The following CEACAM1 variants were observed in gnomAD, a reference collection of about 807,000 sequenced individuals.
CEACAM1 encodes the protein cell adhesion molecule CEACAM1.
Under a neutral mutation model 49.1 loss-of-function variants are expected in CEACAM1, and 31 were observed. The ratio of observed to expected loss-of-function variants is 0.63; its 90% confidence interval spans 0.47 to 0.85. The LOEUF is 0.85. Among genes scored for constraint, CEACAM1 ranks in the 40% least tolerant of loss-of-function variants. The pLI, the probability that CEACAM1 is intolerant of heterozygous loss-of-function variation, is 0.00. For missense variants in CEACAM1, 570 were observed against 645.3 expected (o/e 0.88, Z 1.26); for synonymous variants, 244 against 247.8 (o/e 0.98, Z 0.14).
intron 5 of CEACAM1, among the ~76,000 whole-genome samples, chr19:42,512,876 CAGACT>C (rs940839832): frequency 6.6e-6 from 1 of 152,064 alleles, no homozygotes; most frequent in African/African-American, 2.4e-5. Flanking sequence ...CCATATTGGT[CAGACT>C]GGTCTTGAAC....
chr19:42,521,290 G>A lies in CEACAM1; in HGVS notation c.935C>T (p.Thr312Ile), dbSNP rs2041740245. The A allele has an allele frequency of 6.2e-7, 1 of 1,614,240 alleles. No homozygotes were observed. The highest frequency in any genetic ancestry group is 8.5e-7 in the Non-Finnish European group (1 of 1,180,034). Residue 312 changes from threonine (T) to isoleucine (I), a missense_variant, in exon 4 of 9, where the codon ACA (threonine) becomes ATA (isoleucine). Coordinates refer to ENST00000161559, the MANE Select transcript of CEACAM1 (RefSeq NM_001712.5). ...NNSVTGCNRTTVKTIIVTELS... is the reference protein window; with the variant it reads ...NNSVTGCNRTIVKTIIVTELS... Reference sequence around the variant, plus strand: ...ACCAGTGACTATGATCGTCTTGACTGTGGTCCTGTTGCAGCCAGTGACTGA... The same window carrying A: ...ACCAGTGACTATGATCGTCTTGACTATGGTCCTGTTGCAGCCAGTGACTGA...
intron 4 of CEACAM1, among the ~76,000 whole-genome samples, chr19:42,519,800 A>G (rs2041698617): frequency 6.6e-6 from 1 of 151,858 alleles, no homozygotes; most frequent in Admixed American, 6.6e-5. Flanking sequence ...TGATCTCCTG[A>G]CCTCATGATC....
chr19:42,508,642 T>C lies in CEACAM1; in HGVS notation c.*467A>G, dbSNP rs964810563. On this transcript the variant is annotated 3_prime_UTR_variant, in exon 9 of 9. Coordinates refer to ENST00000161559, the MANE Select transcript of CEACAM1 (RefSeq NM_001712.5). Reference sequence around the variant, plus strand: ...GAGTTCACACAAGGCTTTGGAGAAATAGGAGAAGGCATTACTGCCTTTACT... The same window carrying C: ...GAGTTCACACAAGGCTTTGGAGAAACAGGAGAAGGCATTACTGCCTTTACT... The C allele has an allele frequency of 6.2e-6, 1 of 160,334 alleles. No homozygotes were observed. The highest frequency in any genetic ancestry group is 2.4e-5 in the African/African-American group (1 of 41,504). 9.9% of individuals were successfully genotyped at this position (160,334 alleles called of 1,614,324 possible). A position where few individuals can be genotyped will look rare whatever the true frequency, so the allele number is the denominator to read the frequency against.
chr19:42,511,071 A>G (rs2041444968), intron 7 of CEACAM1, 151 bp from the exon 8 acceptor site: 2 of 700,550 alleles, frequency 2.9e-6, no homozygotes, highest in African/African-American at 1.8e-5. Context: ...CAGACCCAGC[A>G]TGTTAGTACC....
At position 42,522,105 on chromosome 19, in the gene CEACAM1, T is replaced by G; in HGVS notation, c.522A>C (p.Thr174=). Residue 174 remains threonine (T), a synonymous_variant, in exon 3 of 9, where the codon ACA becomes ACC. Coordinates refer to ENST00000161559, the MANE Select transcript of CEACAM1 (RefSeq NM_001712.5). ...GATTGTTTATCCACCACAGGTAGGT[T>G]GTGTCCTGAGTCTCAGGTTCACAGG... ...AFTCEPETQD[T]TYLWWINNQS... 6.2e-7 allele frequency: 1 copy of G among 1,614,222 alleles called. No homozygotes were observed. Among genetic ancestry groups the G allele is most frequent in the Non-Finnish European group, 8.5e-7 (1 of 1,180,040 alleles).
Position 42,507,643 on chromosome 19 carries a change from A to G in CEACAM1, c.*1466T>C, listed in dbSNP as rs1445575348. 1 of 152,222 alleles carries G rather than the reference A, an allele frequency of 6.6e-6. No individual in the cohort carries two copies. The highest frequency in any genetic ancestry group is 1.5e-5 in the Non-Finnish European group (1 of 68,034). 9.4% of individuals were successfully genotyped at this position (152,222 alleles called of 1,614,324 possible). On this transcript the variant is annotated 3_prime_UTR_variant, in exon 9 of 9. Coordinates refer to ENST00000161559, the MANE Select transcript of CEACAM1 (RefSeq NM_001712.5). ...CTTCCTCCTGTCCTTCCTTTTTATT[A>G]TAAGATACATTTATAGACCCCATAG...
At position 42,509,240 on chromosome 19, in the gene CEACAM1, A is replaced by C. The variant is rs774549554; in HGVS notation, c.1462-12T>G. 1 of 1,600,788 alleles carries C rather than the reference A, an allele frequency of 6.2e-7. No homozygotes were observed. On this transcript the variant is annotated splice_polypyrimidine_tract_variant and intron_variant, in intron 8 of 8. Coordinates refer to ENST00000161559, the MANE Select transcript of CEACAM1 (RefSeq NM_001712.5). ...GTAACTTCATTCATCTGAAAAGCAC[A>C]AATAATGATCAGTTAAGTCAGTGAC... is the stretch of plus-strand genomic sequence containing the variant.
Position 42,519,064 on chromosome 19 carries a change from C to A in CEACAM1, c.1130G>T (p.Gly377Val). The A allele has an allele frequency of 6.2e-7, 1 of 1,613,896 alleles. No homozygotes were observed. ...PSSERMKLSQ[G>V]NTTLSINPVK... Reference sequence around the variant, plus strand: ...AGGGTTTATGCTGAGGGTGGTGTTGCCCTGGGACAGCTTCATCCTCTCCGA... The same window carrying A: ...AGGGTTTATGCTGAGGGTGGTGTTGACCTGGGACAGCTTCATCCTCTCCGA... The change falls in exon 5 of 9, where the codon GGC becomes GTC. Residue 377 changes from glycine to valine, a missense_variant. Gly to Val is a moderately radical substitution (Grantham distance 109). Coordinates refer to ENST00000161559, the MANE Select transcript of CEACAM1 (RefSeq NM_001712.5).
At chr19:42,513,979 T>TTTTTG (rs2041534080) in intron 5 of CEACAM1, among the ~76,000 whole-genome samples, 1 of 137,910 alleles carries the variant, frequency 7.3e-6, no homozygotes, top group African/African-American at 2.8e-5. Context: ...TTTTTTTTTT[T>TTTTTG]GAGGCAGGTT....
In CEACAM1 at chr19:42,509,080, C is replaced by T. The variant is rs768774627; in HGVS notation, c.*29G>A. On this transcript the variant is annotated 3_prime_UTR_variant, in exon 9 of 9. Coordinates refer to ENST00000161559, the MANE Select transcript of CEACAM1 (RefSeq NM_001712.5). ...TGAGGGTGAGAGACTTGAAATACAT[C>T]AGCACTGCAGTGAGCAGGACAGGTT... The T allele has an allele frequency of 6.2e-7, 1 of 1,613,356 alleles. No homozygotes were observed. The highest frequency in any genetic ancestry group is 8.5e-7 in the Non-Finnish European group (1 of 1,179,530).
Position 42,522,103 on chromosome 19 carries a change from G to A in CEACAM1, c.524C>T (p.Thr175Ile), listed in dbSNP as rs771349849. ...CTGATTGTTTATCCACCACAGGTAG[G>A]TTGTGTCCTGAGTCTCAGGTTCACA... Reference protein sequence around the residue: ...FTCEPETQDTTYLWWINNQSL... With the variant: ...FTCEPETQDTIYLWWINNQSL... Residue 175 changes from threonine to isoleucine, a missense_variant, in exon 3 of 9, where the codon ACC (threonine) becomes ATC (isoleucine). By Grantham distance (89) the Thr-to-Ile change is moderately conservative. Coordinates refer to ENST00000161559, the MANE Select transcript of CEACAM1 (RefSeq NM_001712.5). 13 of 1,614,208 alleles carry A rather than the reference G, an allele frequency of 8.1e-6. No homozygotes were observed. The highest frequency in any genetic ancestry group is 1.1e-5 in the Non-Finnish European group (13 of 1,180,034).
At position 42,507,354 on chromosome 19, in the gene CEACAM1, A is replaced by G. The variant is rs886443284; in HGVS notation, c.*1755T>C. The G allele has an allele frequency of 1.3e-5, 2 of 152,230 alleles. No homozygotes were observed. The highest frequency in any genetic ancestry group is 2.9e-5 in the Non-Finnish European group (2 of 68,040). The allele number at this position is 152,230 out of a possible 1,614,324, so 9.4% of individuals were successfully genotyped here. On this transcript the variant is annotated 3_prime_UTR_variant, in exon 9 of 9. Coordinates refer to ENST00000161559, the MANE Select transcript of CEACAM1 (RefSeq NM_001712.5). ...ATTATAAAAACATAGAATAATTTTC[A>G]TACATAATTCAGACATGATCTTAGC... is the stretch of plus-strand genomic sequence containing the variant.
At chr19:42,512,900 T>C (rs1336590205) in intron 5 of CEACAM1, among the ~76,000 whole-genome samples, 2 of 152,084 alleles carry the variant, frequency 1.3e-5, no homozygotes, top group African/African-American at 2.4e-5. Context: ...ACTCCTGACC[T>C]CATGATCCGC....
intron 4 of CEACAM1, among the ~76,000 whole-genome samples, chr19:42,520,029 G>A (rs373654951): frequency 3.3e-4 from 50 of 152,292 alleles, no homozygotes; most frequent in South Asian, 2.5e-3. Context: ...GTTCCAATCC[G>A]AAGGATTTCC....
intron 2 of CEACAM1, among the ~76,000 whole-genome samples, chr19:42,522,921 A>G (rs192089705): frequency 3.3e-5 from 5 of 152,282 alleles, no homozygotes; most frequent in Admixed American, 6.5e-5. Context: ...GTTTCACAAG[A>G]CAGATGTGCA....
Position 42,508,889 on chromosome 19 carries a change from A to G in CEACAM1, c.*220T>C. On this transcript the variant is annotated 3_prime_UTR_variant, in exon 9 of 9. Transcript: ENST00000161559. ...TCAGCTTTGCCAAATTTCAATGACA[A>G]GAAGGTTGGGTTTCCTACAGACTCC... 2.1e-6 allele frequency: 1 copy of G among 483,868 alleles called. No homozygotes were observed. The highest frequency in any genetic ancestry group is 3.7e-6 in the Non-Finnish European group (1 of 273,356). 30.0% of individuals were successfully genotyped at this position (483,868 alleles called of 1,614,324 possible). A position where few individuals can be genotyped will look rare whatever the true frequency, so the allele number is the denominator to read the frequency against.
At chr19:42,524,441 T>C (rs1182548250) in intron 2 of CEACAM1, among the ~76,000 whole-genome samples, 1 of 152,138 alleles carries the variant, frequency 6.6e-6, no homozygotes, top group Non-Finnish European at 1.5e-5. Flanking sequence ...TGAGTCAGTA[T>C]AGAGAGTGTA....
chr19:42,523,155 C>T (rs1484986716), intron 2 of CEACAM1, among the ~76,000 whole-genome samples: 1 of 152,204 alleles, frequency 6.6e-6, no homozygotes, highest in Non-Finnish European at 1.5e-5. Flanking sequence ...TCCAGCTTCA[C>T]AGTCCTACTT....
At chr19:42,512,997 T>C (rs1477705297) in intron 5 of CEACAM1, among the ~76,000 whole-genome samples, 1 of 152,220 alleles carries the variant, frequency 6.6e-6, no homozygotes, top group Non-Finnish European at 1.5e-5. Context: ...TGATGATCTC[T>C]CTTCTGCCAA....
Sources: gnomAD v4.1 joint callset for allele counts (sites outside exome capture counted in the v4.1 genomes callset) on GRCh38, gnomAD v4.1.1 for gene constraint, MANE v1.5 for transcripts, NCBI Gene and HGNC (gene_info 2026-07-23, HGNC 2026-07-21) for gene names.